Variants in TRIM48 observed in about 807,000 individuals in gnomAD.
The protein encoded by TRIM48 is E3 ubiquitin-protein ligase TRIM48.
TRIM48 carries 31 observed loss-of-function variants against 29.5 expected under a neutral mutation model. That is an observed-to-expected ratio of 1.05 (90% confidence interval 0.79 to 1.42). TRIM48 has a LOEUF of 1.42. TRIM48 is among the 40% of genes most tolerant of loss of function. The probability of loss-of-function intolerance (pLI) is 0.00; values close to 1 mark genes in which losing one functional copy is unlikely to be tolerated. For synonymous variants in TRIM48, 128 were observed against 90.6 expected (o/e 1.41, Z -2.34); for missense variants, 344 against 265.0 (o/e 1.30, Z -2.07).
intron 4 of TRIM48, 119 bp downstream of exon 4, chr11:55,268,491 T>G: frequency 9.9e-7 from 1 of 1,005,642 alleles, no homozygotes; most frequent in Non-Finnish European, 1.5e-6. Flanking sequence ...TTTTGCATCT[T>G]CTTTCATTCC....
intron 1 of TRIM48, among the ~76,000 whole-genome samples, chr11:55,264,423 T>A (rs1857354694): frequency 6.7e-6 from 1 of 148,242 alleles, no homozygotes; most frequent in South Asian, 2.4e-4. Context: ...GGTAAACATG[T>A]GCCATGGTGG....
In TRIM48 at chr11:55,265,108, C is replaced by A; in HGVS notation, c.253C>A (p.Arg85=). ...GCAGAGAAACCTCAAAACTAACATT[C>A]GATTGAAGAAGATGGCTTCCCTTGC... ...IQQRNLKTNI[R]LKKMASLARK... The change falls in exon 2 of 6, where the codon CGA becomes AGA. Residue 85 remains arginine, a synonymous_variant. Coordinates refer to ENST00000417545, the MANE Select transcript of TRIM48 (RefSeq NM_024114.5). 6.3e-7 allele frequency: 1 copy of A among 1,582,808 alleles called. No homozygotes were observed. The highest frequency in any genetic ancestry group is 8.6e-7 in the Non-Finnish European group (1 of 1,166,098).
chr11:55,264,707 A>C (rs1195169987), intron 1 of TRIM48, among the ~76,000 whole-genome samples, 193 bp from the exon 2 acceptor site: 3 of 148,096 alleles, frequency 2.0e-5, no homozygotes, highest in Non-Finnish European at 3.0e-5. Flanking sequence ...TGAGGCATCT[A>C]GTCAGTAATA....
chr11:55,263,356 C>T (rs2120097441), intron 1 of TRIM48, among the ~76,000 whole-genome samples: 1 of 151,992 alleles, frequency 6.6e-6, no homozygotes, highest in East Asian at 1.9e-4. Flanking sequence ...CATGTCAAAA[C>T]AATAAAACAA....
chr11:55,268,927 T>G (rs1484977948), intron 4 of TRIM48, among the ~76,000 whole-genome samples: 1 of 147,808 alleles, frequency 6.8e-6, no homozygotes, highest in Non-Finnish European at 1.5e-5. Flanking sequence ...CAGACAAAGA[T>G]GTCAGGGGAG....
chr11:55,263,109 C>A (rs1310699937), intron 1 of TRIM48, among the ~76,000 whole-genome samples: 2 of 152,126 alleles, frequency 1.3e-5, no homozygotes, highest in Non-Finnish European at 2.9e-5. Flanking sequence ...TGAGCCATTT[C>A]AGTCAACAAC....
chr11:55,269,896 G>A lies in TRIM48; in HGVS notation c.*2-541G>A, dbSNP rs1857454051. ...TGCAATATGAAAAGCTACATGTTAA[G>A]TCTAAAATCCAGCTTCAGCCCCAAG... On this transcript the variant is annotated intron_variant, in intron 5 of 5. Coordinates refer to ENST00000417545, the MANE Select transcript of TRIM48 (RefSeq NM_024114.5). Among the ~76,000 whole-genome samples the A allele has an allele frequency of 1.4e-5, 2 of 147,868 alleles. 1 individual carries two copies. The highest frequency in any genetic ancestry group is 1.4e-4 in the Admixed American group (2 of 14,614).
rs1478644389 is a variant in TRIM48 at position 55,266,758 on chromosome 11, A to G, written c.555+1063A>G. ...ATATATGTGGACCATGAGTGTGTAT[A>G]TGTGTGTGTGTGTGTCTGTGTGTAA... On this transcript the variant is annotated intron_variant, in intron 3 of 5. Transcript: ENST00000417545. Among the ~76,000 whole-genome samples the G allele has an allele frequency of 2.2e-4, 33 of 146,920 alleles. 3 individuals carry two copies. The highest frequency in any genetic ancestry group is 4.9e-4 in the South Asian group (2 of 4,070).
At chr11:55,269,453 G>C in intron 5 of TRIM48, 114 bp downstream of exon 5, 1 of 1,349,630 alleles carries the variant, frequency 7.4e-7, no homozygotes, top group Non-Finnish European at 1.0e-6. Context: ...AAGCATAAGA[G>C]AACAATATAA....
rs571614928 is a variant in TRIM48 at position 55,269,381 on chromosome 11, T to A, written c.*1+42T>A. 5.1e-6 allele frequency: 8 copies of A among 1,556,704 alleles called. 1 individual carries two copies. In the African/African-American group the frequency reaches 9.6e-5, roughly 19 times the overall value. ...AGGCAGCACCCCCACTATCTAAATA[T>A]TATTATTGTTAGGATCACATAGGTA... On this transcript the variant is annotated intron_variant, in intron 5 of 5. Coordinates refer to ENST00000417545, the MANE Select transcript of TRIM48 (RefSeq NM_024114.5).
chr11:55,270,994 C>T lies in TRIM48; in HGVS notation c.*559C>T. On this transcript the variant is annotated 3_prime_UTR_variant, in exon 6 of 6. Coordinates refer to ENST00000417545, the MANE Select transcript of TRIM48 (RefSeq NM_024114.5). ...GTGGGAACCCCTTTATCCCAGAAAG[C>T]CCTCTTCCTTGTGCCTTATCAAACA... The T allele has an allele frequency of 6.5e-7, 1 of 1,539,328 alleles. No homozygotes were observed. Among genetic ancestry groups the T allele is most frequent in the African/African-American group, 1.4e-5 (1 of 72,598 alleles).
rs566865339 is a variant in TRIM48, at chr11:55,266,768, G to A, written c.555+1073G>A. Among the ~76,000 whole-genome samples, 37 of 147,844 alleles carry A rather than the reference G, an allele frequency of 2.5e-4. 1 individual carries two copies. Among genetic ancestry groups the A allele is most frequent in the South Asian group, 2.4e-4 (1 of 4,114 alleles). On this transcript the variant is annotated intron_variant, in intron 3 of 5. Transcript: ENST00000417545. ...ACCATGAGTGTGTATATGTGTGTGTGTGTGTCTGTGTGTAAAATTCCAGTT... is the reference window on the plus strand; with the variant it reads ...ACCATGAGTGTGTATATGTGTGTGTATGTGTCTGTGTGTAAAATTCCAGTT...
At position 55,268,609 on chromosome 11, in the gene TRIM48, A is replaced by C. The variant is rs1193583050; in HGVS notation, c.578+237A>C. Among the ~76,000 whole-genome samples, 2 of 147,964 alleles carry C rather than the reference A, an allele frequency of 1.4e-5. 1 individual carries two copies. The highest frequency in any genetic ancestry group is 4.9e-5 in the African/African-American group (2 of 40,438). On this transcript the variant is annotated intron_variant, in intron 4 of 5. Coordinates refer to ENST00000417545, the MANE Select transcript of TRIM48 (RefSeq NM_024114.5). ...TTCCTGACTTTGTTTTATTGCTTAA[A>C]AGCCTGCATAGGTGAAAGATGAAGT...
intron 1 of TRIM48, among the ~76,000 whole-genome samples, chr11:55,262,722 A>G (rs1168482306): frequency 6.6e-6 from 1 of 152,098 alleles, no homozygotes; most frequent in Non-Finnish European, 1.5e-5. Context: ...TAAGGTAATG[A>G]TGAGAGATGA....
In TRIM48 at chr11:55,265,124, C is replaced by T. The variant is rs1488888154; in HGVS notation, c.269C>T (p.Ala90Val). 1.3e-6 allele frequency: 2 copies of T among 1,582,640 alleles called. No homozygotes were observed. The highest frequency in any genetic ancestry group is 1.7e-6 in the Non-Finnish European group (2 of 1,166,134). ...LKTNIRLKKM[A>V]SLARKASLWL... is the part of the protein sequence containing the mutation. ...ACTAACATTCGATTGAAGAAGATGG[C>T]TTCCCTTGCCAGAAAAGCCAGTCTC... Residue 90 changes from alanine (A) to valine (V), a missense_variant, in exon 2 of 6, where the codon GCT becomes GTT. Transcript: ENST00000417545.
chr11:55,263,365 A>C (rs1448723060), intron 1 of TRIM48, among the ~76,000 whole-genome samples: 1 of 152,038 alleles, frequency 6.6e-6, no homozygotes, highest in African/African-American at 2.4e-5. Context: ...ACAATAAAAC[A>C]ATAAAACCTA....
intron 1 of TRIM48, among the ~76,000 whole-genome samples, chr11:55,262,732 A>G (rs1447700649): frequency 6.6e-6 from 1 of 152,072 alleles, no homozygotes; most frequent in Non-Finnish European, 1.5e-5. Flanking sequence ...ATGAGAGATG[A>G]AAAATAGTGA....
intron 5 of TRIM48, among the ~76,000 whole-genome samples, chr11:55,269,975 C>T (rs1189594333): frequency 6.8e-6 from 1 of 147,998 alleles, no homozygotes; most frequent in African/African-American, 2.5e-5. Flanking sequence ...AAATCTGCTT[C>T]AAATGATCAC....
At chr11:55,264,600 A>T (rs967595865) in intron 1 of TRIM48, among the ~76,000 whole-genome samples, 2 of 148,016 alleles carry the variant, frequency 1.4e-5, no homozygotes, top group African/African-American at 4.9e-5. Flanking sequence ...GGCTACTTAG[A>T]ATCAAACCCA....
Sources: allele counts gnomAD v4.1 joint callset (sites outside exome capture counted in the v4.1 genomes callset), GRCh38; gene constraint gnomAD v4.1.1; transcripts MANE v1.5; gene names NCBI Gene and HGNC (gene_info 2026-07-23, HGNC 2026-07-21).